LMX1A: variants seen among roughly 807,000 people sequenced by gnomAD.
The protein encoded by LMX1A is LIM homeobox transcription factor 1-alpha.
In LMX1A, 15 loss-of-function variants were observed where a neutral mutation model predicts 49.1. The observed-to-expected ratio is 0.31, with a 90% confidence interval of 0.20 to 0.47. The LOEUF (loss-of-function observed/expected upper bound fraction) is 0.47. LMX1A is among the 20% of genes least tolerant of loss of function. The pLI is 1.00. For missense variants in LMX1A, 372 were observed against 475.8 expected (o/e 0.78, Z 2.03); for synonymous variants, 167 against 185.7 (o/e 0.90, Z 0.82).
intron 4 of LMX1A, among the ~76,000 whole-genome samples, chr1:165,226,409 T>C (rs1242776875): frequency 6.6e-6 from 1 of 152,214 alleles, no homozygotes; most frequent in African/African-American, 2.4e-5. Context: ...GTCATGCATC[T>C]CTCACAAAGC....
intron 3 of LMX1A, among the ~76,000 whole-genome samples, chr1:165,273,360 G>A (rs1218697022): frequency 6.6e-6 from 1 of 152,058 alleles, no homozygotes; most frequent in African/African-American, 2.4e-5. Flanking sequence ...CCCTCAGTAG[G>A]CACCTCCTAA....
chr1:165,347,914 T>C (rs907012023), intron 3 of LMX1A, among the ~76,000 whole-genome samples: 1 of 148,210 alleles, frequency 6.7e-6, no homozygotes, highest in Non-Finnish European at 1.5e-5. Flanking sequence ...GATAATGAAA[T>C]AGTTGGAATT....
chr1:165,251,888 T>A (rs540915766), intron 3 of LMX1A, among the ~76,000 whole-genome samples: 21 of 152,154 alleles, frequency 1.4e-4, no homozygotes, highest in Middle Eastern at 6.8e-3. Context: ...AAAACTACAA[T>A]ATGAAAAGTG....
intron 4 of LMX1A, among the ~76,000 whole-genome samples, chr1:165,224,982 A>G (rs1472032146): frequency 1.3e-5 from 2 of 152,248 alleles, no homozygotes; most frequent in Non-Finnish European, 2.9e-5. Flanking sequence ...AGAGCAGGTC[A>G]TGAAAAAGAG....
intron 3 of LMX1A, among the ~76,000 whole-genome samples, chr1:165,273,203 T>A (rs191978056): frequency 6.6e-6 from 1 of 152,274 alleles, no homozygotes; most frequent in South Asian, 2.1e-4. Context: ...GAGCAACCAC[T>A]TGGAGAAGGA....
At chr1:165,283,096 A>G (rs1654200397) in intron 3 of LMX1A, among the ~76,000 whole-genome samples, 1 of 152,258 alleles carries the variant, frequency 6.6e-6, no homozygotes, top group African/African-American at 2.4e-5. Context: ...ACTTTGGTCA[A>G]TGACAGGCTG....
chr1:165,345,880 T>C (rs868554188), intron 3 of LMX1A, among the ~76,000 whole-genome samples: 1 of 152,158 alleles, frequency 6.6e-6, no homozygotes. Flanking sequence ...ATAAATAAAC[T>C]GCTAATTAGA....
At chr1:165,291,807 T>C (rs867446839) in intron 3 of LMX1A, among the ~76,000 whole-genome samples, 29 of 152,300 alleles carry the variant, frequency 1.9e-4, no homozygotes, top group African/African-American at 6.3e-4. Flanking sequence ...CTCACGCCTG[T>C]AATCCCAGCA....
chr1:165,355,618 G>T lies in LMX1A; in HGVS notation c.-22-37C>A. ...AAGAAACGATGCGTCTGACGTCCGT[G>T]CCCGCTGGGACTCGGCGCCAGCAGC... On this transcript the variant is annotated intron_variant, in intron 1 of 8. Coordinates refer to ENST00000342310, the MANE Select transcript of LMX1A (RefSeq NM_177398.4). The surrounding 1 kb of genome is among the most constrained non-coding windows in gnomAD (Gnocchi z 4.7). The T allele has an allele frequency of 6.5e-7, 1 of 1,532,162 alleles. No individual in the cohort carries two copies. The highest frequency in any genetic ancestry group is 9.0e-7 in the Non-Finnish European group (1 of 1,114,770). The allele number at this position is 1,532,162 out of a possible 1,614,324, so 94.9% of individuals were successfully genotyped here. A position where few individuals can be genotyped will look rare whatever the true frequency, so the allele number is the denominator to read the frequency against.
chr1:165,316,155 G>A (rs945117755), intron 3 of LMX1A, among the ~76,000 whole-genome samples: 47 of 152,198 alleles, frequency 3.1e-4, no homozygotes, highest in African/African-American at 1.1e-3. Context: ...TTCTTGGTTG[G>A]GTAGCTGCCT....
intron 3 of LMX1A, among the ~76,000 whole-genome samples, chr1:165,258,642 C>G (rs763430516): frequency 6.6e-6 from 1 of 152,246 alleles, no homozygotes; most frequent in African/African-American, 2.4e-5. Flanking sequence ...GTCTGCACGT[C>G]CCAGAGGCTC....
At chr1:165,347,999 G>A (rs1034224393) in intron 3 of LMX1A, among the ~76,000 whole-genome samples, 6 of 127,174 alleles carry the variant, frequency 4.7e-5, no homozygotes, top group African/African-American at 1.3e-4. Flanking sequence ...CAATCAAGAG[G>A]CTTCCCTGAA....
At chr1:165,304,234 A>G (rs1439466279) in intron 3 of LMX1A, among the ~76,000 whole-genome samples, 1 of 152,130 alleles carries the variant, frequency 6.6e-6, no homozygotes, top group Non-Finnish European at 1.5e-5. Context: ...GGGATCAGAA[A>G]GCCCATGGTA....
chr1:165,315,738 C>A (rs534114489), intron 3 of LMX1A, among the ~76,000 whole-genome samples: 3 of 152,120 alleles, frequency 2.0e-5, no homozygotes, highest in Non-Finnish European at 2.9e-5. Context: ...AGGCACCATG[C>A]GGTTTCAGAG....
intron 3 of LMX1A, among the ~76,000 whole-genome samples, chr1:165,268,444 C>T (rs1653691056): frequency 6.6e-6 from 1 of 152,212 alleles, no homozygotes; most frequent in Admixed American, 6.5e-5. Flanking sequence ...AGCCCTGCGC[C>T]TCAAACCACA....
chr1:165,249,908 G>T (rs1652995240), intron 3 of LMX1A, among the ~76,000 whole-genome samples: 1 of 152,128 alleles, frequency 6.6e-6, no homozygotes, highest in African/African-American at 2.4e-5. Flanking sequence ...CCATAAAAAG[G>T]AACAAGATCA....
chr1:165,212,715 G>A (rs1651462656), intron 5 of LMX1A: 1 of 152,152 alleles, frequency 6.6e-6, no homozygotes, highest in Non-Finnish European at 1.5e-5. Context: ...AATGGGCGCT[G>A]CTATTTATGG....
chr1:165,225,728 C>T (rs866523250), intron 4 of LMX1A, among the ~76,000 whole-genome samples: 27 of 152,184 alleles, frequency 1.8e-4, no homozygotes, highest in Admixed American at 1.2e-3. Flanking sequence ...GGATGGGGTA[C>T]GTGACTTTCT....
At chr1:165,312,794 C>T (rs1264302506) in intron 3 of LMX1A, among the ~76,000 whole-genome samples, 1 of 152,224 alleles carries the variant, frequency 6.6e-6, no homozygotes, top group East Asian at 1.9e-4. Flanking sequence ...AACAAACCAT[C>T]CTTGCTGAGC....
Sources: allele counts gnomAD v4.1 joint callset (sites outside exome capture counted in the v4.1 genomes callset), GRCh38; gene constraint gnomAD v4.1.1; non-coding constraint Gnocchi (gnomAD v3.1); transcripts MANE v1.5; gene names NCBI Gene and HGNC (gene_info 2026-07-23, HGNC 2026-07-21).